CAMK2D: variants seen among roughly 807,000 people sequenced by gnomAD.
CAMK2D encodes calcium/calmodulin-dependent protein kinase type II subunit delta.
A neutral mutation model predicts 84.0 loss-of-function variants in CAMK2D; 37 were observed. The ratio of observed to expected loss-of-function variants is 0.44; its 90% CI spans 0.34 to 0.58. The LOEUF is 0.58. CAMK2D is among the 20% of genes least tolerant of loss of function. The pLI is 0.02. For missense variants in CAMK2D, 448 were observed against 652.5 expected (o/e 0.69, Z 3.41); for synonymous variants, 202 against 212.5 (o/e 0.95, Z 0.43).
At chr4:113,758,732 A>C (rs563706534) in intron 2 of CAMK2D, among the ~76,000 whole-genome samples, 1 of 152,314 alleles carries the variant, frequency 6.6e-6, no homozygotes, top group East Asian at 1.9e-4. Flanking sequence ...TACATGTGTA[A>C]AATACATTAC....
At chr4:113,602,431 C>T (rs1211361675) in intron 4 of CAMK2D, among the ~76,000 whole-genome samples, 1 of 152,114 alleles carries the variant, frequency 6.6e-6, no homozygotes, top group Non-Finnish European at 1.5e-5. Flanking sequence ...CTTTGCTTTC[C>T]CTCTGTCTGC....
chr4:113,512,584 T>C (rs1033372087), intron 12 of CAMK2D, among the ~76,000 whole-genome samples: 3 of 152,228 alleles, frequency 2.0e-5, no homozygotes. Flanking sequence ...CCCTTTTTTT[T>C]GTTTTTTGAG....
chr4:113,756,148 C>T (rs2099628083), intron 2 of CAMK2D, among the ~76,000 whole-genome samples: 1 of 151,946 alleles, frequency 6.6e-6, no homozygotes, highest in Admixed American at 6.6e-5. Context: ...AGAGGAAATA[C>T]AACTGAAACT....
In CAMK2D at chr4:113,732,496, A is replaced by G. The variant is rs531467671; in HGVS notation, c.160+26824T>C. Among the ~76,000 whole-genome samples, 38 of 152,274 alleles carry G rather than the reference A, an allele frequency of 2.5e-4. No homozygotes were observed. In the South Asian group the frequency reaches 7.5e-3, roughly 30 times the overall value. ...GTGGTGTTTCTAATATTATTGGTTG[A>G]GCTGTTATGAATTCAGTAAAACTTT... On this transcript the variant is annotated intron_variant, in intron 2 of 20. Transcript: ENST00000511664.
At chr4:113,699,333 A>AC (rs5861144) in intron 2 of CAMK2D, among the ~76,000 whole-genome samples, 15,963 of 152,142 alleles carry the variant, frequency 0.1, 1,385 homozygotes, top group African/African-American at 0.24. Context: ...CCAAGGCTTT[A>AC]CCTTTCCAGA....
intron 8 of CAMK2D, among the ~76,000 whole-genome samples, chr4:113,524,733 C>T (rs1414088864): frequency 2.0e-5 from 3 of 152,162 alleles, no homozygotes; most frequent in East Asian, 3.9e-4. Context: ...GGAGGGTGCA[C>T]TTTAGGTCAC....
At chr4:113,709,433 C>T (rs1295670400) in intron 2 of CAMK2D, among the ~76,000 whole-genome samples, 2 of 151,556 alleles carry the variant, frequency 1.3e-5, no homozygotes, top group African/African-American at 4.8e-5. Context: ...AATTCAATTA[C>T]AACACAAGAC....
At chr4:113,525,893 A>C (rs760504670) in intron 8 of CAMK2D, among the ~76,000 whole-genome samples, 1 of 152,210 alleles carries the variant, frequency 6.6e-6, no homozygotes, top group Non-Finnish European at 1.5e-5. Flanking sequence ...GCTAAAAAAG[A>C]GTTTCCCTCA....
At chr4:113,627,463 A>G (rs185651192) in intron 3 of CAMK2D, among the ~76,000 whole-genome samples, 2 of 152,288 alleles carry the variant, frequency 1.3e-5, no homozygotes, top group East Asian at 3.9e-4. Context: ...TCAACTAATC[A>G]ATATATAACC....
chr4:113,558,660 C>G (rs1447146631), intron 4 of CAMK2D, among the ~76,000 whole-genome samples: 1 of 152,108 alleles, frequency 6.6e-6, no homozygotes, highest in African/African-American at 2.4e-5. Context: ...TACATATACA[C>G]ACACATACAC....
chr4:113,503,058 A>G (rs1042080703), intron 14 of CAMK2D, 81 bp from the exon 15 acceptor site: 1 of 981,804 alleles, frequency 1.0e-6, no homozygotes, highest in Admixed American at 1.7e-5. Flanking sequence ...GAGCAGAGTG[A>G]GCCAGCTGAC....
intron 2 of CAMK2D, among the ~76,000 whole-genome samples, chr4:113,750,818 C>T (rs2099615438): frequency 1.3e-5 from 2 of 152,068 alleles, no homozygotes; most frequent in African/African-American, 4.8e-5. Context: ...TCAAGACCAA[C>T]CAGCCTGAGG....
chr4:113,659,674 T>A (rs1396916227), intron 3 of CAMK2D, among the ~76,000 whole-genome samples: 2 of 152,242 alleles, frequency 1.3e-5, no homozygotes, highest in South Asian at 2.1e-4. Context: ...TCCAGAGCTA[T>A]GAGAAAATAA....
chr4:113,545,943 G>A (rs548935269), intron 6 of CAMK2D, among the ~76,000 whole-genome samples: 7 of 152,240 alleles, frequency 4.6e-5, no homozygotes, highest in Middle Eastern at 3.4e-3. Context: ...TAGCTCATAC[G>A]TCAGAGAATA....
At chr4:113,582,697 T>C (rs549307116) in intron 4 of CAMK2D, among the ~76,000 whole-genome samples, 4 of 152,352 alleles carry the variant, frequency 2.6e-5, no homozygotes, top group Non-Finnish European at 5.9e-5. Flanking sequence ...GTTATTTAAA[T>C]AAATATTAAA....
chr4:113,761,234 G>C lies in CAMK2D; in HGVS notation c.-166C>G. ...GGGAGTGTGCGCAGGGGCGGGGCGG[G>C]AGGGGAGATGACCAGAAAGGGTGGC... On this transcript the variant is annotated 5_prime_UTR_variant, in exon 1 of 21. Coordinates refer to ENST00000511664, the MANE Select transcript of CAMK2D (RefSeq NM_001321571.2). 1 of 1,439,428 alleles carries C rather than the reference G, an allele frequency of 6.9e-7. No individual in the cohort carries two copies. The highest frequency in any genetic ancestry group is 9.1e-7 in the Non-Finnish European group (1 of 1,093,532). The allele number at this position is 1,439,428 out of a possible 1,614,324, so 89.2% of individuals were successfully genotyped here.
At chr4:113,494,414 G>C (rs939531064) in intron 16 of CAMK2D, among the ~76,000 whole-genome samples, 22 of 151,804 alleles carry the variant, frequency 1.4e-4, no homozygotes, top group Middle Eastern at 3.4e-3. Context: ...AGGTGTCAGT[G>C]TGCCCCTGCT....
chr4:113,741,321 G>A (rs1022903213), intron 2 of CAMK2D, among the ~76,000 whole-genome samples: 1 of 152,124 alleles, frequency 6.6e-6, no homozygotes, highest in Non-Finnish European at 1.5e-5. Flanking sequence ...TTGTGAAGAA[G>A]GAGAAAGAAA....
chr4:113,696,510 G>A (rs1328235704), intron 2 of CAMK2D, among the ~76,000 whole-genome samples: 1 of 152,000 alleles, frequency 6.6e-6, no homozygotes, highest in Non-Finnish European at 1.5e-5. Flanking sequence ...TCAATCTTCA[G>A]TCATCTCCCT....
Sources: gnomAD v4.1 joint callset for allele counts (sites outside exome capture counted in the v4.1 genomes callset) on GRCh38, gnomAD v4.1.1 for gene constraint, MANE v1.5 for transcripts, NCBI Gene and HGNC (gene_info 2026-07-23, HGNC 2026-07-21) for gene names.